MACROD2: variants seen among roughly 807,000 people sequenced by gnomAD.
MACROD2 encodes the protein mono-ADP ribosylhydrolase 2, also known as ADP-ribose glycohydrolase MACROD2.
Under a neutral mutation model 70.4 loss-of-function variants are expected in MACROD2, and 36 were observed. The ratio of observed to expected loss-of-function variants is 0.51; its 90% CI spans 0.39 to 0.68. The LOEUF (loss-of-function observed/expected upper bound fraction) is 0.68. MACROD2 is among the 30% of genes least tolerant of loss of function. The pLI is 0.00. For synonymous variants in MACROD2, 172 were observed against 178.8 expected, an observed-to-expected ratio of 0.96 and a Z score of 0.30; for missense variants, 496 against 538.4, an observed-to-expected ratio of 0.92 and a Z score of 0.78.
chr20:15,421,836 G>C (rs1198430723), intron 6 of MACROD2, among the ~76,000 whole-genome samples: 1 of 152,206 alleles, frequency 6.6e-6, no homozygotes, highest in Non-Finnish European at 1.5e-5. Flanking sequence ...GCAAACAACT[G>C]TGTGTCAGGT....
At chr20:15,692,892 T>C (rs542244252) in intron 8 of MACROD2, among the ~76,000 whole-genome samples, 16 of 152,230 alleles carry the variant, frequency 1.1e-4, no homozygotes, top group Admixed American at 7.2e-4. Flanking sequence ...TGGGAGGTCA[T>C]TGGATTATGA....
intron 6 of MACROD2, among the ~76,000 whole-genome samples, chr20:15,286,412 GA>G (rs60793597): frequency 0.15 from 23,127 of 152,086 alleles, 1,993 homozygotes; most frequent in African/African-American, 0.23. Flanking sequence ...TCTTTAGTCT[GA>G]AAATATTTAT....
chr20:15,838,157 A>T (rs6034301), intron 8 of MACROD2, among the ~76,000 whole-genome samples: 121,564 of 150,602 alleles, frequency 0.81, 49,312 homozygotes, highest in African/African-American at 0.92. Context: ...CTTTTTTTTT[A>T]CTATGGGGCT....
intron 4 of MACROD2, among the ~76,000 whole-genome samples, chr20:14,638,669 G>T (rs1984915249): frequency 6.6e-6 from 1 of 152,164 alleles, no homozygotes; most frequent in African/African-American, 2.4e-5. Context: ...AACTGAGTGA[G>T]GCTGGGTGTG....
intron 5 of MACROD2, among the ~76,000 whole-genome samples, chr20:14,716,104 G>A (rs112876310): frequency 5.3e-5 from 8 of 152,240 alleles, no homozygotes; most frequent in East Asian, 1.9e-4. Context: ...ATATGAAGGC[G>A]TTTTCCTTCA....
At chr20:14,980,387 C>G (rs1247753874) in intron 5 of MACROD2, among the ~76,000 whole-genome samples, 3 of 152,146 alleles carry the variant, frequency 2.0e-5, no homozygotes, top group Admixed American at 2.0e-4. Flanking sequence ...AGAAACTCCA[C>G]ACCAGCAAGA....
At chr20:14,978,628 C>T (rs968459471) in intron 5 of MACROD2, among the ~76,000 whole-genome samples, 1 of 146,218 alleles carries the variant, frequency 6.8e-6, no homozygotes, top group Admixed American at 6.9e-5. Flanking sequence ...CCCAACCCCC[C>T]CACCCCACCC....
chr20:15,688,811 A>G (rs1179310691), intron 8 of MACROD2, among the ~76,000 whole-genome samples: 1 of 152,230 alleles, frequency 6.6e-6, no homozygotes, highest in Admixed American at 6.5e-5. Flanking sequence ...CACAAAAAAG[A>G]TAGAGGGGGT....
chr20:15,341,993 G>T (rs2078115261), intron 6 of MACROD2, among the ~76,000 whole-genome samples: 1 of 152,094 alleles, frequency 6.6e-6, no homozygotes, highest in African/African-American at 2.4e-5. Context: ...GTTTGAGGCT[G>T]CAGTGAGCTT....
intron 8 of MACROD2, among the ~76,000 whole-genome samples, chr20:15,717,176 TAATA>T: frequency 6.6e-6 from 1 of 152,366 alleles, no homozygotes; most frequent in East Asian, 1.9e-4. Context: ...AGGCTAGGGC[TAATA>T]ACTGGAGTTG....
chr20:14,553,126 A>T (rs116062590), intron 4 of MACROD2, among the ~76,000 whole-genome samples: 1,546 of 151,580 alleles, frequency 0.01, 32 homozygotes, highest in African/African-American at 0.036. Context: ...GTTGTACAAA[A>T]TTTTTTTCTT....
chr20:15,345,304 T>A (rs747190848), intron 6 of MACROD2, among the ~76,000 whole-genome samples: 1 of 152,240 alleles, frequency 6.6e-6, no homozygotes. Flanking sequence ...TATACTTCTC[T>A]TATGTGCCAA....
chr20:14,314,376 T>TC (rs564604173), intron 3 of MACROD2, among the ~76,000 whole-genome samples: 1 of 152,246 alleles, frequency 6.6e-6, no homozygotes, highest in Non-Finnish European at 1.5e-5. Flanking sequence ...TTGATTTGTT[T>TC]CTACACTTCC....
intron 5 of MACROD2, among the ~76,000 whole-genome samples, chr20:14,990,887 G>C (rs1052919193): frequency 1.3e-5 from 2 of 152,122 alleles, no homozygotes; most frequent in African/African-American, 4.8e-5. Context: ...CCTTGGGCTG[G>C]GGGAAGGCCC....
chr20:15,345,048 C>T (rs961069021), intron 6 of MACROD2, among the ~76,000 whole-genome samples: 1 of 152,154 alleles, frequency 6.6e-6, no homozygotes, highest in African/African-American at 2.4e-5. Context: ...TGTATCATCA[C>T]AAAGTGGAGA....
intron 4 of MACROD2, among the ~76,000 whole-genome samples, chr20:14,575,041 A>AAAAAAATATATATAT (rs1175447813): frequency 8.4e-5 from 2 of 23,918 alleles, no homozygotes; most frequent in African/African-American, 1.5e-4. Context: ...AAAAAAAAAA[A>AAAAAAATATATATAT]ATATTCACAA....
chr20:15,559,055 C>T (rs1288171587), intron 8 of MACROD2, among the ~76,000 whole-genome samples: 9 of 151,838 alleles, frequency 5.9e-5, no homozygotes, highest in East Asian at 1.9e-4. Flanking sequence ...GGTGAAACCC[C>T]GTCTCTACTA....
chr20:15,725,102 CAAA>C (rs914629708), intron 8 of MACROD2, among the ~76,000 whole-genome samples: 46 of 151,434 alleles, frequency 3.0e-4, no homozygotes, highest in African/African-American at 1.1e-3. Context: ...CAAACAACAA[CAAA>C]AAAAAATCTA....
At chr20:15,646,964 G>C (rs950715869) in intron 8 of MACROD2, among the ~76,000 whole-genome samples, 1 of 152,196 alleles carries the variant, frequency 6.6e-6, no homozygotes, top group Non-Finnish European at 1.5e-5. Flanking sequence ...AACCCAGACT[G>C]TTTGGCTCCA....
Sources: allele counts gnomAD v4.1 joint callset (sites outside exome capture counted in the v4.1 genomes callset), GRCh38; gene constraint gnomAD v4.1.1; transcripts MANE v1.5; gene names NCBI Gene and HGNC (gene_info 2026-07-23, HGNC 2026-07-21).